CTNNA2: variants seen among roughly 807,000 people sequenced by gnomAD.
The protein encoded by CTNNA2 is catenin alpha-2.
CTNNA2 carries 42 observed loss-of-function variants against 101.0 expected under a neutral mutation model. That is an observed-to-expected ratio of 0.42 (90% CI 0.32 to 0.54). The LOEUF (loss-of-function observed/expected upper bound fraction) is 0.54, where lower values mean the gene tolerates loss of function less well. Among genes scored for constraint, CTNNA2 ranks in the 20% least tolerant of loss-of-function variants. The probability of loss-of-function intolerance (pLI) is 0.14; values close to 1 mark genes in which losing one functional copy is unlikely to be tolerated. For missense variants in CTNNA2, 871 were observed against 1,223.1 expected, an observed-to-expected ratio of 0.71 and a Z score of 4.29; for synonymous variants, 450 against 456.4, an observed-to-expected ratio of 0.99 and a Z score of 0.18.
intron 7 of CTNNA2, among the ~76,000 whole-genome samples, chr2:80,035,746 A>G (rs533008890): frequency 3.3e-5 from 5 of 152,340 alleles, no homozygotes; most frequent in African/African-American, 9.6e-5. Context: ...GTTCTCAGAG[A>G]AACAGGAACT....
intron 3 of CTNNA2, among the ~76,000 whole-genome samples, chr2:79,747,691 G>C (rs901808516): frequency 5.9e-5 from 9 of 152,284 alleles, no homozygotes; most frequent in African/African-American, 2.2e-4. Context: ...AAACAACACA[G>C]TTCTTGGCCA....
intron 1 of CTNNA2, among the ~76,000 whole-genome samples, chr2:79,540,573 A>C (rs1484204787): frequency 2.0e-5 from 3 of 152,150 alleles, no homozygotes; most frequent in Admixed American, 2.0e-4. Context: ...CTGTTTCCTA[A>C]AGTGTGGCAT....
intron 7 of CTNNA2, among the ~76,000 whole-genome samples, chr2:79,958,559 T>A (rs1689403587): frequency 6.6e-6 from 1 of 152,136 alleles, no homozygotes; most frequent in Non-Finnish European, 1.5e-5. Flanking sequence ...CTCTAAAACC[T>A]GGAAAAGGCA....
intron 7 of CTNNA2, among the ~76,000 whole-genome samples, chr2:80,186,311 G>A (rs540068943): frequency 6.6e-6 from 1 of 152,276 alleles, no homozygotes; most frequent in Admixed American, 6.5e-5. Context: ...ATGTATAGAA[G>A]GACTCCATTG....
intron 3 of CTNNA2, among the ~76,000 whole-genome samples, chr2:79,326,297 A>G (rs890282866): frequency 7.4e-6 from 1 of 136,020 alleles, no homozygotes; most frequent in African/African-American, 2.8e-5. Context: ...CTAAACAAAC[A>G]AGCAAAAAAA....
chr2:79,278,250 G>A (rs933860417), intron 2 of CTNNA2, among the ~76,000 whole-genome samples: 1 of 152,130 alleles, frequency 6.6e-6, no homozygotes, highest in Non-Finnish European at 1.5e-5. Flanking sequence ...GTCATAAGTA[G>A]CAACCCCAGG....
At chr2:79,952,109 C>T (rs1224835185) in intron 7 of CTNNA2, among the ~76,000 whole-genome samples, 1 of 152,190 alleles carries the variant, frequency 6.6e-6, no homozygotes, top group African/African-American at 2.4e-5. Flanking sequence ...TTCTTAGGAT[C>T]CCCACCCAAC....
At chr2:79,636,260 A>C (rs1680045342) in intron 1 of CTNNA2, among the ~76,000 whole-genome samples, 1 of 118,400 alleles carries the variant, frequency 8.4e-6, no homozygotes, top group Admixed American at 9.5e-5. Context: ...ACAGAGTGAG[A>C]CTCTGTCTCA....
chr2:80,625,990 G>C (rs904358808), intron 18 of CTNNA2, among the ~76,000 whole-genome samples: 3 of 152,056 alleles, frequency 2.0e-5, no homozygotes, highest in Admixed American at 2.0e-4. Context: ...TTCCCAAAAA[G>C]CTGAATGAAT....
At chr2:80,443,500 A>T (rs1168250047) in intron 9 of CTNNA2, among the ~76,000 whole-genome samples, 1 of 152,182 alleles carries the variant, frequency 6.6e-6, no homozygotes, top group Non-Finnish European at 1.5e-5. Flanking sequence ...GACAAAGCTA[A>T]CATTCATGGC....
chr2:79,569,318 C>G (rs757136298), intron 1 of CTNNA2, among the ~76,000 whole-genome samples: 4 of 151,866 alleles, frequency 2.6e-5, no homozygotes, highest in Non-Finnish European at 5.9e-5. Context: ...TGAACAGGGT[C>G]GGCTGGGGGG....
At chr2:80,061,465 A>G (rs993855676) in intron 7 of CTNNA2, among the ~76,000 whole-genome samples, 96 of 152,294 alleles carry the variant, frequency 6.3e-4, no homozygotes, top group African/African-American at 2.2e-3. Context: ...AGATTTAATT[A>G]AGTCATTTAA....
intron 7 of CTNNA2, among the ~76,000 whole-genome samples, chr2:79,960,106 T>G (rs1031218119): frequency 1.3e-5 from 2 of 152,194 alleles, no homozygotes; most frequent in Admixed American, 1.3e-4. Context: ...TATTTTAATA[T>G]TTAGCATCTT....
upstream of CTNNA2, among the ~76,000 whole-genome samples, chr2:79,510,166 C>G (rs972245949): frequency 6.6e-6 from 1 of 152,050 alleles, no homozygotes; most frequent in African/African-American, 2.4e-5. Context: ...AATGCCATAC[C>G]TTTAACAATG....
intron 3 of CTNNA2, among the ~76,000 whole-genome samples, chr2:79,807,425 C>T (rs1016061179): frequency 6.6e-6 from 1 of 151,752 alleles, no homozygotes; most frequent in Admixed American, 6.6e-5. Flanking sequence ...TTCATTTTTT[C>T]ATATTAAAAA....
chr2:79,219,005 C>T (rs1674305331), intron 2 of CTNNA2, among the ~76,000 whole-genome samples: 1 of 152,072 alleles, frequency 6.6e-6, no homozygotes, highest in Non-Finnish European at 1.5e-5. Context: ...TCTTTCTATG[C>T]AAGGGTGTGT....
chr2:80,635,896 A>G (rs1042181500), intron 18 of CTNNA2, among the ~76,000 whole-genome samples: 1 of 151,882 alleles, frequency 6.6e-6, no homozygotes, highest in Non-Finnish European at 1.5e-5. Flanking sequence ...TCACACACTA[A>G]TCATCCTTGT....
intron 2 of CTNNA2, among the ~76,000 whole-genome samples, chr2:79,697,209 G>A (rs181330424): frequency 1.1e-4 from 17 of 152,086 alleles, no homozygotes; most frequent in Admixed American, 1.0e-3. Context: ...AAAATGTTAA[G>A]TTTAATTAGA....
chr2:79,553,991 A>T (rs55736343), intron 1 of CTNNA2, among the ~76,000 whole-genome samples: 32,477 of 152,094 alleles, frequency 0.21, 3,657 homozygotes, highest in Middle Eastern at 0.29. Flanking sequence ...TCCATTTGAC[A>T]TAGTGAGTTT....
Sources: gnomAD v4.1 joint callset for allele counts (sites outside exome capture counted in the v4.1 genomes callset) on GRCh38, gnomAD v4.1.1 for gene constraint, MANE v1.5 for transcripts, NCBI Gene and HGNC (gene_info 2026-07-23, HGNC 2026-07-21) for gene names.